The following USP40 variants were observed in gnomAD, a reference collection of about 807,000 sequenced individuals.
The protein encoded by USP40 is ubiquitin specific peptidase 40, also known as ubiquitin carboxyl-terminal hydrolase 40.
USP40 carries 143 observed loss-of-function variants against 166.2 expected under a neutral mutation model. The observed-to-expected ratio is 0.86, with a 90% CI of 0.75 to 0.99. USP40 has a LOEUF of 0.99. Ranked by LOEUF, USP40 falls within the 50% of genes least tolerant of loss-of-function variation. The pLI, the probability that USP40 is intolerant of heterozygous loss-of-function variation, is 0.00. For missense variants in USP40, 1,444 were observed against 1,479.7 expected (o/e 0.98, Z 0.40); for synonymous variants, 498 against 524.0 (o/e 0.95, Z 0.68).
intron 10 of USP40, among the ~76,000 whole-genome samples, chr2:233,536,367 G>GA: frequency 6.6e-6 from 1 of 152,166 alleles, no homozygotes; most frequent in East Asian, 1.9e-4. Flanking sequence ...CTCAGTGGAA[G>GA]AAAAAATTAG....
chr2:233,559,457 T>C (rs575394571), intron 4 of USP40, among the ~76,000 whole-genome samples: 1 of 152,352 alleles, frequency 6.6e-6, no homozygotes, highest in South Asian at 2.1e-4. Context: ...ACTAAAAAAC[T>C]GATCAACAGT....
chr2:233,519,926 A>G (rs1342677409), intron 17 of USP40, among the ~76,000 whole-genome samples: 1 of 152,188 alleles, frequency 6.6e-6, no homozygotes, highest in Non-Finnish European at 1.5e-5. Flanking sequence ...AAAACTACAG[A>G]AACTGTAGAA....
intron 31 of USP40, among the ~76,000 whole-genome samples, chr2:233,478,725 C>A (rs1435302048): frequency 6.6e-6 from 1 of 152,194 alleles, no homozygotes; most frequent in Non-Finnish European, 1.5e-5. Flanking sequence ...TCTACCCATG[C>A]ATCAGGACAC....
At chr2:233,541,044 A>T (rs2069361465) in intron 9 of USP40, among the ~76,000 whole-genome samples, 1 of 152,244 alleles carries the variant, frequency 6.6e-6, no homozygotes, top group Admixed American at 6.5e-5. Flanking sequence ...AATTCCCAAC[A>T]TTAAAAAGGA....
At chr2:233,520,848 A>C in intron 17 of USP40, 143 bp downstream of exon 17, 1 of 873,830 alleles carries the variant, frequency 1.1e-6, no homozygotes. Context: ...AACAAGCAAT[A>C]ATCAAATGTT....
chr2:233,553,423 T>C (rs143647248), intron 6 of USP40, among the ~76,000 whole-genome samples: 9 of 152,246 alleles, frequency 5.9e-5, no homozygotes, highest in African/African-American at 2.2e-4. Context: ...TTAGAACAAA[T>C]AGATATCCTG....
intron 30 of USP40, among the ~76,000 whole-genome samples, chr2:233,481,829 C>T (rs2064618053): frequency 6.6e-6 from 1 of 152,246 alleles, no homozygotes; most frequent in Non-Finnish European, 1.5e-5. Flanking sequence ...CAAGCCTCCT[C>T]CCTTTCCCAG....
intron 10 of USP40, among the ~76,000 whole-genome samples, chr2:233,534,645 C>A (rs2068809364): frequency 6.6e-6 from 1 of 152,030 alleles, no homozygotes; most frequent in Admixed American, 6.6e-5. Flanking sequence ...AACCCAAAGA[C>A]AACATTGTTA....
chr2:233,555,328 C>G (rs879358946), intron 5 of USP40, among the ~76,000 whole-genome samples: 1 of 152,178 alleles, frequency 6.6e-6, no homozygotes, highest in Admixed American at 6.5e-5. Flanking sequence ...TAAGCACTTA[C>G]AATTTGGCAA....
chr2:233,543,774 T>A (rs1367018563), intron 8 of USP40, among the ~76,000 whole-genome samples: 1 of 152,214 alleles, frequency 6.6e-6, no homozygotes, highest in Non-Finnish European at 1.5e-5. Flanking sequence ...GTTTACAAAT[T>A]ACCCAGCCTA....
chr2:233,490,068 G>A (rs2065220061), intron 26 of USP40, among the ~76,000 whole-genome samples: 1 of 151,558 alleles, frequency 6.6e-6, no homozygotes, highest in Non-Finnish European at 1.5e-5. Context: ...CCTAAAAACA[G>A]CAATTTTATA....
chr2:233,523,289 TC>T lies in USP40; in HGVS notation c.2081del (p.Gly694AspfsTer16), dbSNP rs753020859. 6.2e-7 allele frequency: 1 copy of T among 1,614,008 alleles called. No individual in the cohort carries two copies. The highest frequency in any genetic ancestry group is 2.2e-5 in the East Asian group (1 of 44,882). On this transcript the variant is annotated frameshift_variant, in exon 16 of 32. Transcript: ENST00000678225. LOFTEE classifies it high-confidence loss of function. ...PAGVIFINSA[G>X]CPGGEGWTAI... ...CCGTCCAACCCTCCCCACCTGGACA[TC>T]CAGCACTGTTGATGAAGATGACACC...
chr2:233,541,194 C>T (rs544288123), intron 9 of USP40, among the ~76,000 whole-genome samples: 54 of 152,308 alleles, frequency 3.5e-4, no homozygotes, highest in Non-Finnish European at 5.0e-4. Context: ...TGAGATGTAG[C>T]GGTGACAGAC....
In USP40 at chr2:233,529,596, T is replaced by A. The variant is rs370937462; in HGVS notation, c.1472-84A>T. The A allele has an allele frequency of 1.7e-3, 1,565 of 929,584 alleles. 13 individuals carry two copies. The African/African-American group carries it at 0.032, about 19-fold the overall frequency. The allele number at this position is 929,584 out of a possible 1,614,324, so 57.6% of individuals were successfully genotyped here. A position where few individuals can be genotyped will look rare whatever the true frequency, so the allele number is the denominator to read the frequency against. On this transcript the variant is annotated intron_variant, in intron 11 of 31. Coordinates refer to ENST00000678225, the MANE Select transcript of USP40 (RefSeq NM_001365479.2). Reference sequence around the variant, plus strand: ...AGGTAGCATGAAGACTAGGAAGGACTGTCCTAGGAGCTAGGAAAGCTGCTA... The same window carrying A: ...AGGTAGCATGAAGACTAGGAAGGACAGTCCTAGGAGCTAGGAAAGCTGCTA...
intron 21 of USP40, 64 bp downstream of exon 21, chr2:233,509,985 C>T (rs1358462628): frequency 2.3e-6 from 3 of 1,297,256 alleles, no homozygotes; most frequent in Non-Finnish European, 3.3e-6. Flanking sequence ...CAGGATACCA[C>T]TGTTCCTCAC....
intron 31 of USP40, among the ~76,000 whole-genome samples, chr2:233,478,060 C>T (rs1250688292): frequency 5.9e-5 from 9 of 152,246 alleles, no homozygotes; most frequent in African/African-American, 1.7e-4. Flanking sequence ...GCTGCACAGT[C>T]CCCGACAGAA....
At chr2:233,498,733 A>G in intron 22 of USP40, 121 bp from the exon 23 acceptor site, 2 of 727,828 alleles carry the variant, frequency 2.7e-6, no homozygotes, top group South Asian at 1.9e-5. Flanking sequence ...TAATAAAGCT[A>G]TGGGCCTCCA....
At chr2:233,540,183 C>T (rs571772794) in intron 10 of USP40, among the ~76,000 whole-genome samples, 1 of 147,718 alleles carries the variant, frequency 6.8e-6, no homozygotes, top group Non-Finnish European at 1.5e-5. Flanking sequence ...CCAAGCAACA[C>T]TGATGAAAAA....
At position 233,498,611 on chromosome 2, in the gene USP40, T is replaced by C; in HGVS notation, c.2652A>G (p.Gly884=). The C allele has an allele frequency of 1.9e-6, 3 of 1,613,188 alleles. No homozygotes were observed. The highest frequency in any genetic ancestry group is 2.5e-6 in the Non-Finnish European group (3 of 1,179,500). The stretch of plus-strand genomic sequence containing the variant: ...CCATTTTTCGTAAATGCCAGGCATC[T>C]CCTATAAAGGAGTCAAAATTGGGAT... ...KLMLKKSGLQ[G]DAWHLRKMDW... Residue 884 remains glycine, a splice_region_variant and synonymous_variant, in exon 23 of 32, where the codon GGA becomes GGG. Transcript: ENST00000678225.
Sources: allele counts gnomAD v4.1 joint callset (sites outside exome capture counted in the v4.1 genomes callset), GRCh38; gene constraint gnomAD v4.1.1; transcripts MANE v1.5; gene names NCBI Gene and HGNC (gene_info 2026-07-23, HGNC 2026-07-21).